Variants in FAM171A1 observed in about 807,000 individuals in gnomAD.
FAM171A1 encodes the protein family with sequence similarity 171 member A1, also known as protein FAM171A1.
A neutral mutation model predicts 74.9 loss-of-function variants in FAM171A1; 23 were observed. The ratio of observed to expected loss-of-function variants is 0.31; its 90% CI spans 0.22 to 0.44. The LOEUF (loss-of-function observed/expected upper bound fraction) is 0.44, where lower values mean the gene tolerates loss of function less well. FAM171A1 is among the 20% of genes least tolerant of loss of function. The pLI, the probability that FAM171A1 is intolerant of heterozygous loss-of-function variation, is 1.00. For missense variants in FAM171A1, 1,162 were observed against 1,159.2 expected (o/e 1.00, Z -0.03); for synonymous variants, 527 against 505.7 (o/e 1.04, Z -0.57).
chr10:15,301,149 C>A (rs1835223112), intron 1 of FAM171A1, among the ~76,000 whole-genome samples: 5 of 152,104 alleles, frequency 3.3e-5, no homozygotes, highest in Admixed American at 2.6e-4. Flanking sequence ...ACTGACTGTG[C>A]TGTCTGTTCT....
Position 15,213,660 on chromosome 10 carries a change from A to G in FAM171A1, c.1928T>C (p.Ile643Thr). ...CGCATCCTGCAGGTGCTGCTGAGAGATGGCCTGGGAAGACAGGGGCTGGGG... is the reference window on the plus strand; with the variant it reads ...CGCATCCTGCAGGTGCTGCTGAGAGGTGGCCTGGGAAGACAGGGGCTGGGG... ...IQPQPLSSQA[I>T]SQQHLQDAGT... The change falls in exon 8 of 8, where the codon ATC becomes ACC. Residue 643 changes from isoleucine (I) to threonine (T), a missense_variant. Physicochemically the swap from Ile to Thr is moderately conservative, Grantham distance 89 (BLOSUM62 -1). Transcript: ENST00000378116. This position sits in a 1 kb window ranked among gnomAD's most constrained non-coding sequence, Gnocchi z 6.8. 6.2e-7 allele frequency: 1 copy of G among 1,613,770 alleles called. No homozygotes were observed. The highest frequency in any genetic ancestry group is 8.5e-7 in the Non-Finnish European group (1 of 1,179,834).
intron 4 of FAM171A1, among the ~76,000 whole-genome samples, chr10:15,254,225 A>G (rs1162500206): frequency 6.6e-6 from 1 of 152,040 alleles, no homozygotes; most frequent in Non-Finnish European, 1.5e-5. Flanking sequence ...GAGCCAAGGT[A>G]TGCCTGTCTC....
intron 6 of FAM171A1, 82 bp from the exon 7 acceptor site, chr10:15,216,192 T>C: frequency 1.1e-6 from 1 of 873,496 alleles, no homozygotes; most frequent in Non-Finnish European, 1.7e-6. Flanking sequence ...CGCAGTGTCT[T>C]GTGCTTACTC....
intron 1 of FAM171A1, among the ~76,000 whole-genome samples, chr10:15,368,201 T>C (rs2131895994): frequency 6.6e-6 from 1 of 152,346 alleles, no homozygotes; most frequent in Non-Finnish European, 1.5e-5. Flanking sequence ...ACTGTGGCAT[T>C]GGAAATCACT....
chr10:15,356,697 G>A (rs944748111), intron 1 of FAM171A1, among the ~76,000 whole-genome samples: 2 of 152,264 alleles, frequency 1.3e-5, no homozygotes, highest in South Asian at 2.1e-4. Flanking sequence ...TGGGCCTTTC[G>A]TGGTGGCTCA....
In FAM171A1 at chr10:15,233,919, C is replaced by G. The variant is rs1024896753; in HGVS notation, c.755-12859G>C. Among the ~76,000 whole-genome samples the G allele has an allele frequency of 3.1e-5, 4 of 127,888 alleles. No homozygotes were observed. In the East Asian group the frequency reaches 1.1e-3, roughly 35 times the overall value. The allele number at this position is 127,888 out of a possible 152,430, so 83.9% of individuals were successfully genotyped here. ...CCGTCTCACCAAAAAAAAAAAAGAACCACGACATCAAAAATGTGATACATG... is the reference window on the plus strand; with the variant it reads ...CCGTCTCACCAAAAAAAAAAAAGAAGCACGACATCAAAAATGTGATACATG... On this transcript the variant is annotated intron_variant, in intron 5 of 7. Transcript: ENST00000378116.
intron 1 of FAM171A1, among the ~76,000 whole-genome samples, chr10:15,341,390 C>T (rs1199366796): frequency 1.3e-5 from 2 of 152,148 alleles, no homozygotes; most frequent in African/African-American, 4.8e-5. Flanking sequence ...ACTACAAAAT[C>T]CAAATGAGCA....
chr10:15,356,110 G>A (rs1157298883), intron 1 of FAM171A1, among the ~76,000 whole-genome samples: 2 of 151,810 alleles, frequency 1.3e-5, no homozygotes, highest in African/African-American at 2.4e-5. Flanking sequence ...CCTCAACTTT[G>A]GTTTCTAACA....
intron 1 of FAM171A1, among the ~76,000 whole-genome samples, chr10:15,286,766 A>G (rs1025970769): frequency 5.3e-5 from 8 of 152,126 alleles, no homozygotes; most frequent in African/African-American, 1.9e-4. Context: ...CATTTTTTCC[A>G]CATGCTGATT....
chr10:15,302,383 T>G lies in FAM171A1; in HGVS notation c.98-18278A>C, dbSNP rs116056913. ...GGGATGCTGAGGCAGCAGAATTGCT[T>G]GAACACAGGAGGCGGAGGTCGCAGT... On this transcript the variant is annotated intron_variant, in intron 1 of 7. Coordinates refer to ENST00000378116, the MANE Select transcript of FAM171A1 (RefSeq NM_001010924.2). Among the ~76,000 whole-genome samples the G allele has an allele frequency of 5.9e-3, 890 of 151,708 alleles. 7 individuals carry two copies. Among genetic ancestry groups the G allele is most frequent in the African/African-American group, 0.02 (843 of 41,354 alleles).
chr10:15,319,507 A>T (rs1451829762), intron 1 of FAM171A1, among the ~76,000 whole-genome samples: 1 of 152,180 alleles, frequency 6.6e-6, no homozygotes, highest in African/African-American at 2.4e-5. Context: ...ATCTTGGCTC[A>T]CTGCAACCTC....
intron 5 of FAM171A1, among the ~76,000 whole-genome samples, chr10:15,235,258 C>G (rs187228179): frequency 2.3e-3 from 301 of 133,674 alleles, no homozygotes; most frequent in African/African-American, 8.1e-3. Context: ...GCCGAGATTG[C>G]GCCACTGCAC....
intron 4 of FAM171A1, among the ~76,000 whole-genome samples, chr10:15,250,544 G>A (rs1232086929): frequency 6.6e-6 from 1 of 152,228 alleles, no homozygotes. Context: ...GGTTGCTTGA[G>A]CCCAGGAGTT....
chr10:15,269,552 G>T (rs1354818152), intron 3 of FAM171A1, among the ~76,000 whole-genome samples: 4 of 152,110 alleles, frequency 2.6e-5, no homozygotes, highest in African/African-American at 9.7e-5. Flanking sequence ...GTGAGAGCAG[G>T]AGGGGCAAGA....
intron 1 of FAM171A1, among the ~76,000 whole-genome samples, chr10:15,354,122 C>T (rs1010102420): frequency 6.6e-6 from 1 of 152,172 alleles, no homozygotes; most frequent in African/African-American, 2.4e-5. Flanking sequence ...CAAGTCACAT[C>T]TGGTGGCCCA....
intron 1 of FAM171A1, among the ~76,000 whole-genome samples, chr10:15,344,534 C>A (rs1835798640): frequency 1.3e-5 from 2 of 152,282 alleles, no homozygotes; most frequent in African/African-American, 4.8e-5. Flanking sequence ...GACAGAGCAA[C>A]ACTGTTTCCA....
chr10:15,234,007 G>A (rs1286760372), intron 5 of FAM171A1, among the ~76,000 whole-genome samples: 1 of 152,032 alleles, frequency 6.6e-6, no homozygotes, highest in Non-Finnish European at 1.5e-5. Context: ...ACCTTGGAAG[G>A]GAGATTTTAC....
At position 15,213,834 on chromosome 10, in the gene FAM171A1, G is replaced by A. The variant is rs1184053131; in HGVS notation, c.1754C>T (p.Ala585Val). ...GTCCCCGGGGAGTTTCATATAATGA[G>A]CCGGGATGACCAAGGCAGGCAGTAC... ...RKVLPALVIPAHYMKLPGDHS... is the reference protein window; with the variant it reads ...RKVLPALVIPVHYMKLPGDHS... Residue 585 changes from alanine (A) to valine (V), a missense_variant, in exon 8 of 8, where the codon GCT becomes GTT. Transcript: ENST00000378116. The surrounding 1 kb of genome is among the most constrained non-coding windows in gnomAD (Gnocchi z 6.8). 6 of 1,614,194 alleles carry A rather than the reference G, an allele frequency of 3.7e-6. No homozygotes were observed. Among genetic ancestry groups the A allele is most frequent in the Non-Finnish European group, 5.1e-6 (6 of 1,180,036 alleles).
intron 1 of FAM171A1, among the ~76,000 whole-genome samples, chr10:15,357,905 C>T (rs748825315): frequency 9.2e-5 from 14 of 152,300 alleles, no homozygotes; most frequent in Middle Eastern, 3.4e-3. Flanking sequence ...AAACCTATTA[C>T]GGTCCCATAA....
Sources: allele counts gnomAD v4.1 joint callset (sites outside exome capture counted in the v4.1 genomes callset), GRCh38; gene constraint gnomAD v4.1.1; non-coding constraint Gnocchi (gnomAD v3.1); transcripts MANE v1.5; gene names NCBI Gene and HGNC (gene_info 2026-07-23, HGNC 2026-07-21).